Variants in EIF3D observed in about 807,000 individuals in gnomAD.
EIF3D encodes the protein eIF3 p66.
Under a neutral mutation model 75.4 loss-of-function variants are expected in EIF3D, and 10 were observed. The observed-to-expected ratio is 0.13, with a 90% CI of 0.08 to 0.22. The LOEUF (loss-of-function observed/expected upper bound fraction) is 0.22, where lower values mean the gene tolerates loss of function less well. EIF3D is among the 10% of genes least tolerant of loss of function. The pLI is 1.00. For missense variants in EIF3D, 394 were observed against 708.0 expected (o/e 0.56, Z 5.03); for synonymous variants, 246 against 248.3 (o/e 0.99, Z 0.09).
rs1333638904 is a variant in EIF3D at position 36,511,539 on chromosome 22, C to T, written c.1597G>A (p.Glu533Lys). ...TCTTCTTCCTCCTCCTCTTCCTCCT[C>T]ATCTTCATCAGAGCTGAAGGTGCCA... ...PDGTFSSDED[E>K]EEEEEEEEEE... is the part of the protein sequence containing the mutation. The change falls in exon 14 of 15, where the codon GAG (glutamate) becomes AAG (lysine). Residue 533 changes from glutamate to lysine, a missense_variant. Glu to Lys is a moderately conservative substitution (Grantham distance 56). Transcript: ENST00000216190. The T allele has an allele frequency of 6.8e-6, 11 of 1,613,792 alleles. No individual in the cohort carries two copies. The highest frequency in any genetic ancestry group is 9.3e-6 in the Non-Finnish European group (11 of 1,179,884).
chr22:36,520,664 C>T lies in EIF3D; in HGVS notation c.490G>A (p.Val164Ile), dbSNP rs773157607. 1.2e-6 allele frequency: 2 copies of T among 1,613,206 alleles called. No homozygotes were observed. The highest frequency in any genetic ancestry group is 1.1e-5 in the South Asian group (1 of 91,076). Residue 164 changes from valine to isoleucine, a missense_variant, in exon 7 of 15, where the codon GTT (valine) becomes ATT (isoleucine). Physicochemically the swap from Val to Ile is conservative, Grantham distance 29. Transcript: ENST00000216190. ...SQKPRDSSVE[V>I]RSDWEVKEEM... ...TCTTTCACTTCCCAATCACTACGAA[C>T]TTCAACTGAAGAGTCTCGGGGTTTC... is the stretch of plus-strand genomic sequence containing the variant.
At chr22:36,522,582 T>C (rs1192939732) in intron 6 of EIF3D, among the ~76,000 whole-genome samples, 2 of 152,210 alleles carry the variant, frequency 1.3e-5, no homozygotes, top group African/African-American at 4.8e-5. Context: ...ATTGTATGAT[T>C]CCATTTATGT....
chr22:36,523,301 A>C lies in EIF3D; in HGVS notation c.393-20T>G, dbSNP rs1304168021. The stretch of plus-strand genomic sequence containing the variant: ...CGTTCTCTGGAAAGACAGACATATG[A>C]TCTCAGTGCAGACCTTTAAACCAGT... On this transcript the variant is annotated intron_variant, in intron 5 of 14. Transcript: ENST00000216190. The C allele has an allele frequency of 3.1e-6, 5 of 1,604,308 alleles. 1 individual carries two copies. In the South Asian group the frequency reaches 5.5e-5, roughly 18 times the overall value.
chr22:36,518,406 T>G (rs936526843), intron 9 of EIF3D, among the ~76,000 whole-genome samples: 3 of 151,794 alleles, frequency 2.0e-5, no homozygotes, highest in Admixed American at 6.6e-5. Flanking sequence ...GAAGAATCAC[T>G]TGAATGTGGG....
intron 7 of EIF3D, 37 bp from the exon 8 acceptor site, chr22:36,519,574 G>C (rs1317180115): frequency 6.2e-7 from 1 of 1,610,270 alleles, no homozygotes. Context: ...CAAAGTAAGA[G>C]AGATAACCCC....
chr22:36,528,605 T>C (rs1001522189), intron 1 of EIF3D: 13 of 123,842 alleles, frequency 1.0e-4, no homozygotes, highest in South Asian at 2.2e-4. Flanking sequence ...GGGGGTGGGG[T>C]AGATTTAAGA....
At chr22:36,528,080 A>T (rs1386525127) in intron 1 of EIF3D, among the ~76,000 whole-genome samples, 3 of 152,168 alleles carry the variant, frequency 2.0e-5, no homozygotes, top group Non-Finnish European at 2.9e-5. Context: ...GCCCTATACC[A>T]GATAATTTAA....
chr22:36,525,239 C>CTTTTTTT (rs10709824), intron 3 of EIF3D, among the ~76,000 whole-genome samples: 1 of 93,942 alleles, frequency 1.1e-5, no homozygotes, highest in African/African-American at 3.6e-5. Flanking sequence ...AGGGGTTTTA[C>CTTTTTTT]TTTTTTTTTT....
Position 36,523,300 on chromosome 22 carries a change from G to A in EIF3D, c.393-19C>T, listed in dbSNP as rs1555888959. On this transcript the variant is annotated intron_variant, in intron 5 of 14. Coordinates refer to ENST00000216190, the MANE Select transcript of EIF3D (RefSeq NM_003753.4). ...GCGTTCTCTGGAAAGACAGACATATGATCTCAGTGCAGACCTTTAAACCAG... is the reference window on the plus strand; with the variant it reads ...GCGTTCTCTGGAAAGACAGACATATAATCTCAGTGCAGACCTTTAAACCAG... 6.2e-7 allele frequency: 1 copy of A among 1,606,340 alleles called. No homozygotes were observed. The highest frequency in any genetic ancestry group is 2.2e-5 in the East Asian group (1 of 44,846).
chr22:36,513,680 T>A (rs939775374), intron 12 of EIF3D, among the ~76,000 whole-genome samples: 2 of 152,230 alleles, frequency 1.3e-5, no homozygotes, highest in Non-Finnish European at 2.9e-5. Context: ...CCCTAAAAAA[T>A]TTAAAATATC....
At chr22:36,524,872 A>T in intron 3 of EIF3D, 140 bp from the exon 4 acceptor site, 1 of 1,022,174 alleles carries the variant, frequency 9.8e-7, no homozygotes, top group Non-Finnish European at 1.5e-6. Flanking sequence ...ACAGACTCAC[A>T]GTCCCACCCC....
At chr22:36,524,452 GT>G in intron 4 of EIF3D, 143 bp downstream of exon 4, 1 of 1,190,792 alleles carries the variant, frequency 8.4e-7, no homozygotes, top group South Asian at 1.5e-5. Flanking sequence ...GGTACCACTT[GT>G]TATGGAACGG....
chr22:36,521,596 A>G (rs1321718220), intron 6 of EIF3D, among the ~76,000 whole-genome samples: 1 of 152,136 alleles, frequency 6.6e-6, no homozygotes, highest in East Asian at 1.9e-4. Flanking sequence ...CATGATGTAT[A>G]ATTCAAAGGA....
intron 11 of EIF3D, 47 bp from the exon 12 acceptor site, chr22:36,516,654 T>C (rs1934431812): frequency 1.2e-6 from 2 of 1,613,654 alleles, no homozygotes; most frequent in Non-Finnish European, 1.7e-6. Flanking sequence ...TTCTATAGAG[T>C]GGGGCCCGTG....
chr22:36,527,430 G>A (rs1171688861), intron 1 of EIF3D, among the ~76,000 whole-genome samples: 1 of 152,140 alleles, frequency 6.6e-6, no homozygotes, highest in Non-Finnish European at 1.5e-5. Flanking sequence ...AAAAACCGGC[G>A]CTGTATAGCA....
At chr22:36,527,617 G>A (rs1201255763) in intron 1 of EIF3D, among the ~76,000 whole-genome samples, 1 of 152,208 alleles carries the variant, frequency 6.6e-6, no homozygotes, top group Non-Finnish European at 1.5e-5. Context: ...GAGGTGGGCG[G>A]ATCACGAGGT....
At position 36,511,549 on chromosome 22, in the gene EIF3D, A is replaced by G. The variant is rs150777087; in HGVS notation, c.1587T>C (p.Ser529=). ...VYSLPDGTFS[S]DEDEEEEEEE... ...CCTCCTCTTCCTCCTCATCTTCATC[A>G]GAGCTGAAGGTGCCATCAGGGAGGC... Residue 529 remains serine, a synonymous_variant, in exon 14 of 15, where the codon TCT becomes TCC. Transcript: ENST00000216190. 2 of 1,613,768 alleles carry G rather than the reference A, an allele frequency of 1.2e-6. No homozygotes were observed. The highest frequency in any genetic ancestry group is 1.3e-5 in the African/African-American group (1 of 74,904).
chr22:36,515,524 G>A (rs554819725), intron 12 of EIF3D, among the ~76,000 whole-genome samples: 9 of 152,184 alleles, frequency 5.9e-5, no homozygotes, highest in Admixed American at 2.0e-4. Flanking sequence ...GCGAAACTCC[G>A]TTTCAGAAAA....
intron 12 of EIF3D, among the ~76,000 whole-genome samples, chr22:36,513,309 T>G (rs982945313): frequency 6.8e-6 from 1 of 146,768 alleles, no homozygotes; most frequent in East Asian, 2.0e-4. Context: ...ATTTTTTTTC[T>G]TTTTTTTTTT....
Sources: gnomAD v4.1 joint callset for allele counts (sites outside exome capture counted in the v4.1 genomes callset) on GRCh38, gnomAD v4.1.1 for gene constraint, MANE v1.5 for transcripts, NCBI Gene and HGNC (gene_info 2026-07-23, HGNC 2026-07-21) for gene names.